The following DNAH3 variants were observed in gnomAD, a reference collection of about 807,000 sequenced individuals.
The protein encoded by DNAH3 is axonemal beta dynein heavy chain 3.
DNAH3 carries 332 observed loss-of-function variants against 432.5 expected under a neutral mutation model. The observed-to-expected ratio is 0.77, with a 90% CI of 0.70 to 0.84. The LOEUF (loss-of-function observed/expected upper bound fraction) is 0.84. Among genes scored for constraint, DNAH3 ranks in the 40% least tolerant of loss-of-function variants. The pLI, the probability that DNAH3 is intolerant of heterozygous loss-of-function variation, is 0.00. For missense variants in DNAH3, 4,861 were observed against 5,114.0 expected (o/e 0.95, Z 1.51); for synonymous variants, 1,956 against 1,900.2 (o/e 1.03, Z -0.76).
At chr16:20,995,704 C>T (rs1348490091) in intron 44 of DNAH3, among the ~76,000 whole-genome samples, 1 of 152,148 alleles carries the variant, frequency 6.6e-6, no homozygotes, top group African/African-American at 2.4e-5. Context: ...GATTCAGCTA[C>T]CAGCAATTTC....
chr16:21,005,827 C>T (rs987576140), intron 41 of DNAH3, among the ~76,000 whole-genome samples: 3 of 149,516 alleles, frequency 2.0e-5, no homozygotes, highest in African/African-American at 7.4e-5. Context: ...GGTATGCAGA[C>T]ATTGCTCTAT....
At chr16:20,972,739 A>ATTTTTTTTTTT (rs34245316) in intron 51 of DNAH3, among the ~76,000 whole-genome samples, 3 of 95,978 alleles carry the variant, frequency 3.1e-5, no homozygotes, top group African/African-American at 4.6e-5. Flanking sequence ...ATGCCCCGTG[A>ATTTTTTTTTTT]TTTTTTTTTT....
In DNAH3 at chr16:21,000,535, T is replaced by C. The variant is rs2086969529; in HGVS notation, c.6127-17A>G. The C allele has an allele frequency of 4.5e-6, 7 of 1,572,834 alleles. No homozygotes were observed. The East Asian group carries it at 1.6e-4, about 35-fold the overall frequency. On this transcript the variant is annotated splice_polypyrimidine_tract_variant and intron_variant, in intron 42 of 61. Coordinates refer to ENST00000261383, the Ensembl canonical transcript of DNAH3. The stretch of plus-strand genomic sequence containing the variant: ...TTCTGAGACCTGTACCACACAGACA[T>C]GGGAGAGTCTCGGTTGTGGGCCCAG...
rs146546671 is a variant in DNAH3, at chr16:20,941,474, T to A, written c.11581A>T (p.Met3861Leu). The A allele has an allele frequency of 6.0e-4, 963 of 1,614,208 alleles. No homozygotes were observed. Among genetic ancestry groups the A allele is most frequent in the Non-Finnish European group, 7.3e-4 (860 of 1,180,018 alleles). Residue 3861 changes from methionine (M) to leucine (L), a missense_variant, in exon 59 of 62, where the codon ATG becomes TTG. Transcript: ENST00000261383. ...TCATAGACCACGGGGTACAACTTCA[T>A]GACCTCTTCCAGGTCAAAGTCTCTG...
At chr16:21,008,514 C>A (rs2087427929) in intron 41 of DNAH3, among the ~76,000 whole-genome samples, 1 of 152,122 alleles carries the variant, frequency 6.6e-6, no homozygotes, top group Non-Finnish European at 1.5e-5. Flanking sequence ...GTGCCCCACT[C>A]CCGAAGGATT....
chr16:21,098,541 T>C (rs1422316280), intron 17 of DNAH3, 75 bp downstream of exon 17: 2 of 1,460,536 alleles, frequency 1.4e-6, no homozygotes, highest in Non-Finnish European at 1.8e-6. Flanking sequence ...TATTAGGAAA[T>C]AGGAAATTCA....
chr16:21,153,916 C>T (rs183930455), intron 1 of DNAH3, among the ~76,000 whole-genome samples: 284 of 152,310 alleles, frequency 1.9e-3, no homozygotes, highest in Non-Finnish European at 3.2e-3. Context: ...TAACCCTGAG[C>T]TTTTCCATCT....
rs956256628 is a variant in DNAH3 at position 21,060,251 on chromosome 16, G to A, written c.3813+13C>T. 2.5e-6 allele frequency: 4 copies of A among 1,605,026 alleles called. No individual in the cohort carries two copies. Among genetic ancestry groups the A allele is most frequent in the South Asian group, 1.1e-5 (1 of 90,888 alleles). On this transcript the variant is annotated intron_variant, in intron 26 of 61. Transcript: ENST00000261383. Reference sequence around the variant, plus strand: ...ACTAGTGTCCTGGCATGTGTACCCCGGTTCTTGTTTACCTTGACATATGCT... The same window carrying A: ...ACTAGTGTCCTGGCATGTGTACCCCAGTTCTTGTTTACCTTGACATATGCT...
At chr16:21,052,193 T>A in intron 28 of DNAH3, among the ~76,000 whole-genome samples, 1 of 152,146 alleles carries the variant, frequency 6.6e-6, no homozygotes, top group African/African-American at 2.4e-5. Flanking sequence ...GGTTTCAACA[T>A]GTTGGCCAGG....
At chr16:21,058,244 T>A in intron 26 of DNAH3, 48 bp from the exon 27 acceptor site, 2 of 1,208,396 alleles carry the variant, frequency 1.7e-6, no homozygotes, top group Non-Finnish European at 2.4e-6. Context: ...ACGTGTGGTT[T>A]AAACTGAGTT....
chr16:20,935,987 G>T (rs998708526), intron 60 of DNAH3, among the ~76,000 whole-genome samples: 1 of 152,132 alleles, frequency 6.6e-6, no homozygotes, highest in East Asian at 1.9e-4. Context: ...TGCCATGCGA[G>T]AACGCAGGTG....
intron 59 of DNAH3, among the ~76,000 whole-genome samples, chr16:20,938,736 T>C (rs1216162216): frequency 2.0e-5 from 3 of 149,898 alleles, no homozygotes; most frequent in Non-Finnish European, 4.4e-5. Context: ...CTGCTTGAGA[T>C]GATTAATCCT....
At chr16:21,098,438 C>CAAAAAAA (rs57032212) in intron 17 of DNAH3, among the ~76,000 whole-genome samples, 178 bp downstream of exon 17, 4 of 62,876 alleles carry the variant, frequency 6.4e-5, no homozygotes, top group African/African-American at 1.0e-4. Flanking sequence ...GACCTTGTCT[C>CAAAAAAA]AAAAAAAAAA....
intron 54 of DNAH3, among the ~76,000 whole-genome samples, chr16:20,956,443 T>C (rs2084568656): frequency 6.6e-6 from 1 of 152,218 alleles, no homozygotes; most frequent in Non-Finnish European, 1.5e-5. Context: ...ATGAGGATTG[T>C]TGCTGTACTG....
At chr16:21,116,968 T>C (rs377202228) in intron 12 of DNAH3, among the ~76,000 whole-genome samples, 60 of 152,364 alleles carry the variant, frequency 3.9e-4, no homozygotes, top group African/African-American at 1.4e-3. Context: ...GAGGTGGATC[T>C]GTAATTGAAT....
chr16:21,019,324 T>C (rs2088028163), intron 41 of DNAH3: 3 of 346,918 alleles, frequency 8.6e-6, no homozygotes, highest in Non-Finnish European at 1.6e-5. Context: ...ACCCAGCTAA[T>C]TTTGTTTGTA....
exon 48 of DNAH3, chr16:20,985,641 G>A (rs2086155049): frequency 1.9e-6 from 3 of 1,614,198 alleles, no homozygotes; most frequent in Non-Finnish European, 2.5e-6. Context: ...TTTCTGGCTT[G>A]AAATAATCTC....
Position 20,978,863 on chromosome 16 carries a change from A to G in DNAH3, c.8076+467T>C, listed in dbSNP as rs941052754. 4.6e-5 allele frequency among the ~76,000 whole-genome samples: 7 copies of G among 152,158 alleles called. No individual in the cohort carries two copies. The East Asian group carries it at 7.7e-4, about 17-fold the overall frequency. On this transcript the variant is annotated intron_variant, in intron 50 of 61. Transcript: ENST00000261383. ...CTGGGCCTTCACCTTTTTATAGAAGAGGAATCTGAGGCTCAAAGAAGTGAA... is the reference window on the plus strand; with the variant it reads ...CTGGGCCTTCACCTTTTTATAGAAGGGGAATCTGAGGCTCAAAGAAGTGAA...
At position 20,982,705 on chromosome 16, in the gene DNAH3, T is replaced by C; in HGVS notation, c.7859+16A>G. 6.2e-7 allele frequency: 1 copy of C among 1,606,688 alleles called. No individual in the cohort carries two copies. Among genetic ancestry groups the C allele is most frequent in the Non-Finnish European group, 8.5e-7 (1 of 1,174,820 alleles). ...ATTTGGAATATCTAGAGTCCTAAAA[T>C]GCAATCAACACTTACTCTACCCGAA... On this transcript the variant is annotated intron_variant, in intron 49 of 61. Coordinates refer to ENST00000261383, the Ensembl canonical transcript of DNAH3.
Sources: gnomAD v4.1 joint callset for allele counts (sites outside exome capture counted in the v4.1 genomes callset) on GRCh38, gnomAD v4.1.1 for gene constraint, MANE v1.5 for transcripts, NCBI Gene and HGNC (gene_info 2026-07-23, HGNC 2026-07-21) for gene names.